LMTK2: variants seen among roughly 807,000 people sequenced by gnomAD.
LMTK2 encodes serine/threonine-protein kinase LMTK2.
LMTK2 carries 37 observed loss-of-function variants against 127.5 expected under a neutral mutation model. The observed-to-expected ratio is 0.29, with a 90% CI of 0.22 to 0.38. LMTK2 has a LOEUF of 0.38. LMTK2 is among the 10% of genes least tolerant of loss of function. The probability of loss-of-function intolerance (pLI) is 1.00; values close to 1 mark genes in which losing one functional copy is unlikely to be tolerated. For synonymous variants in LMTK2, 819 were observed against 810.1 expected, an observed-to-expected ratio of 1.01 and a Z score of -0.19; for missense variants, 1,694 against 1,920.3, an observed-to-expected ratio of 0.88 and a Z score of 2.20.
intron 11 of LMTK2, among the ~76,000 whole-genome samples, chr7:98,198,446 C>T (rs574401088): frequency 5.3e-4 from 81 of 152,322 alleles, no homozygotes; most frequent in Non-Finnish European, 1.0e-3. Context: ...ACCTCGGCCT[C>T]CCAGAGTGCT....
chr7:98,144,450 G>A (rs1264150142), intron 3 of LMTK2, among the ~76,000 whole-genome samples: 1 of 150,670 alleles, frequency 6.6e-6, no homozygotes, highest in Non-Finnish European at 1.5e-5. Context: ...AAAAAAGAAA[G>A]AAAAAATATA....
rs563272671 is a variant in LMTK2, at chr7:98,194,184, A to G, written c.3719A>G (p.Asn1240Ser). 119 of 1,613,904 alleles carry G rather than the reference A, an allele frequency of 7.4e-5. No individual in the cohort carries two copies. The highest frequency in any genetic ancestry group is 3.8e-4 in the South Asian group (35 of 91,074). ...TNTNELLAYT[N>S]SALDKSLSSH... ...ACGAACGAACTCCTTGCCTACACCA[A>G]TTCTGCGCTGGACAAGTCCCTGTCC... Residue 1240 changes from asparagine to serine, a missense_variant, in exon 11 of 14, where the codon AAT (asparagine) becomes AGT (serine). Around this residue, in one of 8 missense-constraint regions of LMTK2, gnomAD observed 554 missense variants for 567.7 expected, o/e 0.98. Transcript: ENST00000297293. The surrounding 1 kb of genome is among the most constrained non-coding windows in gnomAD (Gnocchi z 5.4).
intron 6 of LMTK2, among the ~76,000 whole-genome samples, chr7:98,161,773 C>T (rs1797020164): frequency 6.6e-6 from 1 of 152,124 alleles, no homozygotes; most frequent in Non-Finnish European, 1.5e-5. Context: ...AAAGTTAGGA[C>T]ACAGAGATGC....
In LMTK2 at chr7:98,106,907, G is replaced by A; in HGVS notation, c.-271G>A. The A allele has an allele frequency of 2.2e-6, 1 of 448,596 alleles. No homozygotes were observed. Among genetic ancestry groups the A allele is most frequent in the South Asian group, 4.3e-5 (1 of 23,276 alleles). The allele number at this position is 448,596 out of a possible 1,614,324, so 27.8% of individuals were successfully genotyped here. ...ATGGCGGCGGGAGCGCGGCTTCCCA[G>A]GCCCGCCGCTCCGCAGGGCTGCTGG... On this transcript the variant is annotated 5_prime_UTR_variant, in exon 1 of 14. Transcript: ENST00000297293.
At chr7:98,205,122 T>C (rs919111504) in intron 13 of LMTK2, among the ~76,000 whole-genome samples, 3 of 152,230 alleles carry the variant, frequency 2.0e-5, no homozygotes, top group African/African-American at 7.2e-5. Flanking sequence ...ATAATAAATA[T>C]GGAATACAAA....
At chr7:98,168,757 A>G (rs1291727987) in intron 6 of LMTK2, among the ~76,000 whole-genome samples, 1 of 151,952 alleles carries the variant, frequency 6.6e-6, no homozygotes, top group East Asian at 1.9e-4. Context: ...GTTGCAGGTC[A>G]CTTGCTCTGC....
At chr7:98,166,240 G>A (rs935526172) in intron 6 of LMTK2, among the ~76,000 whole-genome samples, 3 of 152,218 alleles carry the variant, frequency 2.0e-5, no homozygotes, top group African/African-American at 7.2e-5. Context: ...CCCTGTTGCT[G>A]CAGTGACAGG....
chr7:98,173,618 A>G (rs1797227615), intron 7 of LMTK2, among the ~76,000 whole-genome samples: 1 of 152,222 alleles, frequency 6.6e-6, no homozygotes, highest in Admixed American at 6.5e-5. Flanking sequence ...TAAATTGGCA[A>G]AGATATCAGA....
intron 6 of LMTK2, among the ~76,000 whole-genome samples, chr7:98,169,105 C>G (rs1218983508): frequency 2.0e-5 from 3 of 152,028 alleles, no homozygotes; most frequent in African/African-American, 7.2e-5. Context: ...AACTGTGGTA[C>G]CAGGAGAGCT....
chr7:98,159,818 C>G (rs1355772822), intron 6 of LMTK2, among the ~76,000 whole-genome samples: 2 of 152,174 alleles, frequency 1.3e-5, no homozygotes, highest in Admixed American at 6.5e-5. Context: ...TCTTGAAACA[C>G]TTTAACCCCC....
chr7:98,193,030 C>T lies in LMTK2; in HGVS notation c.2565C>T (p.His855=). ...LDVIVPEDCL[H]QDISPDAVTV... ...TTATTGTCCCGGAGGACTGTCTCCACCAGGACATCAGTCCAGACGCTGTGA... is the reference window on the plus strand; with the variant it reads ...TTATTGTCCCGGAGGACTGTCTCCATCAGGACATCAGTCCAGACGCTGTGA... The change falls in exon 11 of 14, where the codon CAC becomes CAT. Residue 855 remains histidine, a synonymous_variant. Coordinates refer to ENST00000297293, the MANE Select transcript of LMTK2 (RefSeq NM_014916.4). The surrounding 1 kb of genome is among the most constrained non-coding windows in gnomAD (Gnocchi z 4.1). 1.2e-6 allele frequency: 2 copies of T among 1,614,008 alleles called. No homozygotes were observed. Among genetic ancestry groups the T allele is most frequent in the African/African-American group, 2.7e-5 (2 of 75,056 alleles).
At chr7:98,136,250 A>G (rs1478048244) in intron 1 of LMTK2, among the ~76,000 whole-genome samples, 1 of 152,242 alleles carries the variant, frequency 6.6e-6, no homozygotes, top group East Asian at 1.9e-4. Context: ...AAGTATATAC[A>G]TGACTGAATA....
At chr7:98,120,713 G>A (rs1328285010) in intron 1 of LMTK2, among the ~76,000 whole-genome samples, 2 of 152,094 alleles carry the variant, frequency 1.3e-5, no homozygotes, top group African/African-American at 4.8e-5. Flanking sequence ...CCCTATCTAG[G>A]CAGCAGCGGT....
intron 6 of LMTK2, among the ~76,000 whole-genome samples, chr7:98,165,988 G>A (rs1228402178): frequency 6.6e-6 from 1 of 152,060 alleles, no homozygotes; most frequent in Non-Finnish European, 1.5e-5. Flanking sequence ...CCCAGTCCCT[G>A]CGTCTGCCCT....
At chr7:98,179,935 A>G (rs1288674985) in intron 7 of LMTK2, among the ~76,000 whole-genome samples, 1 of 152,232 alleles carries the variant, frequency 6.6e-6, no homozygotes, top group Non-Finnish European at 1.5e-5. Context: ...GTGAAAACAC[A>G]AACATATTAC....
At chr7:98,159,569 T>A in intron 6 of LMTK2, 144 bp downstream of exon 6, 1 of 653,276 alleles carries the variant, frequency 1.5e-6, no homozygotes, top group South Asian at 1.7e-5. Flanking sequence ...TTTATTCCCT[T>A]TGGTGATGGT....
chr7:98,139,235 C>T (rs990149825), intron 2 of LMTK2, among the ~76,000 whole-genome samples: 1 of 152,120 alleles, frequency 6.6e-6, no homozygotes, highest in Admixed American at 6.5e-5. Context: ...CCTTAGCCTC[C>T]CGAGTAGCTA....
At chr7:98,129,153 C>T (rs1256820005) in intron 1 of LMTK2, among the ~76,000 whole-genome samples, 1 of 152,100 alleles carries the variant, frequency 6.6e-6, no homozygotes, top group Non-Finnish European at 1.5e-5. Flanking sequence ...GGCACGATCG[C>T]ACACCACTGC....
chr7:98,116,357 C>T (rs1796283388), intron 1 of LMTK2, among the ~76,000 whole-genome samples: 1 of 151,960 alleles, frequency 6.6e-6, no homozygotes, highest in Non-Finnish European at 1.5e-5. Flanking sequence ...TACTAGAGAA[C>T]TAAGTTCTCC....
Sources: gnomAD v4.1 joint callset for allele counts (sites outside exome capture counted in the v4.1 genomes callset) on GRCh38, gnomAD v4.1.1 for gene constraint, gnomAD v4.1.1 regional missense constraint, Gnocchi (gnomAD v3.1) non-coding constraint, MANE v1.5 for transcripts, NCBI Gene and HGNC (gene_info 2026-07-23, HGNC 2026-07-21) for gene names.